JMJD1C: variants seen among roughly 807,000 people sequenced by gnomAD.
The protein encoded by JMJD1C is jumonji domain-containing protein 1C.
Under a neutral mutation model 245.3 loss-of-function variants are expected in JMJD1C, and 31 were observed. The ratio of observed to expected loss-of-function variants is 0.13; its 90% confidence interval spans 0.09 to 0.17. The LOEUF is 0.17. Among genes scored for constraint, JMJD1C ranks in the 10% least tolerant of loss-of-function variants. JMJD1C has a pLI of 1.00. For synonymous variants in JMJD1C, 1,057 were observed against 1,017.4 expected (o/e 1.04, Z -0.74); for missense variants, 2,691 against 3,000.2 (o/e 0.90, Z 2.41).
At chr10:63,363,948 C>T (rs918287016) in intron 2 of JMJD1C, among the ~76,000 whole-genome samples, 12 of 151,828 alleles carry the variant, frequency 7.9e-5, no homozygotes, top group South Asian at 6.3e-4. Context: ...CTCCACCTCC[C>T]GGGTACAAGC....
intron 1 of JMJD1C, among the ~76,000 whole-genome samples, chr10:63,437,958 G>T (rs897663510): frequency 1.3e-5 from 2 of 152,058 alleles, no homozygotes; most frequent in Non-Finnish European, 2.9e-5. Context: ...CTGCTCCAGG[G>T]TTTAACACTT....
intron 2 of JMJD1C, among the ~76,000 whole-genome samples, chr10:63,281,069 G>A (rs910168905): frequency 2.0e-5 from 3 of 150,810 alleles, no homozygotes; most frequent in Non-Finnish European, 4.4e-5. Context: ...TCCTGACCTC[G>A]TGATTCACCG....
chr10:63,206,795 C>A lies in JMJD1C; in HGVS notation c.4874G>T (p.Gly1625Val), dbSNP rs1846677182. The change falls in exon 10 of 26, where the codon GGC becomes GTC. Residue 1625 changes from glycine to valine, a missense_variant. By Grantham distance (109) the Gly-to-Val change is moderately radical (BLOSUM62 -3). Coordinates refer to ENST00000399262, the MANE Select transcript of JMJD1C (RefSeq NM_032776.3). ...TTCATCTGAGTCTCCACTTTCAGAG[C>A]CAGATTCATAAGTTCTTTTGGCTTT... ...RRKAKRTYESGSESGDSDESE... is the reference protein window; with the variant it reads ...RRKAKRTYESVSESGDSDESE... 2 of 1,605,570 alleles carry A rather than the reference C, an allele frequency of 1.2e-6. No individual in the cohort carries two copies. Among genetic ancestry groups the A allele is most frequent in the Non-Finnish European group, 1.7e-6 (2 of 1,177,838 alleles).
rs1285995071 is a variant in JMJD1C, at chr10:63,214,895, T to C, written c.1272A>G (p.Glu424=). 6.2e-7 allele frequency: 1 copy of C among 1,613,216 alleles called. No homozygotes were observed. Among genetic ancestry groups the C allele is most frequent in the African/African-American group, 1.3e-5 (1 of 74,904 alleles). ...GKPHNNEKAG[E]ETLKNSQPPW... ...GAGGCTGGCTATTTTTTAGGGTCTC[T>C]TCTCCTGCCTTCTCATTATTATGGG... The change falls in exon 8 of 26, where the codon GAA becomes GAG. Residue 424 remains glutamate (E), a synonymous_variant. Coordinates refer to ENST00000399262, the MANE Select transcript of JMJD1C (RefSeq NM_032776.3).
intron 2 of JMJD1C, among the ~76,000 whole-genome samples, chr10:63,325,193 A>G (rs1258873053): frequency 6.6e-6 from 1 of 152,226 alleles, no homozygotes; most frequent in Non-Finnish European, 1.5e-5. Flanking sequence ...TTAGTGTAGA[A>G]AGCATGGGGA....
At chr10:63,491,986 C>T (rs907460307) in intron 1 of JMJD1C, among the ~76,000 whole-genome samples, 3 of 152,222 alleles carry the variant, frequency 2.0e-5, no homozygotes, top group Non-Finnish European at 2.9e-5. Context: ...ATTCCTTTTC[C>T]TTACAGAGAA....
At chr10:63,327,672 A>ATT (rs200942410) in intron 2 of JMJD1C, among the ~76,000 whole-genome samples, 18 of 122,060 alleles carry the variant, frequency 1.5e-4, no homozygotes, top group African/African-American at 5.0e-4. Flanking sequence ...CACAGAAAAA[A>ATT]TTTTTTTTTT....
At chr10:63,221,204 G>A (rs1029998729) in intron 3 of JMJD1C, among the ~76,000 whole-genome samples, 3 of 151,878 alleles carry the variant, frequency 2.0e-5, no homozygotes, top group African/African-American at 7.3e-5. Flanking sequence ...AAAACAATTT[G>A]GCAACTTTGA....
At chr10:63,272,376 C>G (rs1016613907) in intron 2 of JMJD1C, among the ~76,000 whole-genome samples, 1 of 152,048 alleles carries the variant, frequency 6.6e-6, no homozygotes, top group Non-Finnish European at 1.5e-5. Flanking sequence ...CTCAGCCTCC[C>G]AAGTAGCTGG....
At chr10:63,416,777 A>G (rs1400232052) in intron 1 of JMJD1C, among the ~76,000 whole-genome samples, 2 of 152,234 alleles carry the variant, frequency 1.3e-5, no homozygotes, top group Non-Finnish European at 2.9e-5. Context: ...AAATGCTTAC[A>G]AAATTCTATT....
chr10:63,168,172 G>A (rs376398448), intron 25 of JMJD1C, 38 bp from the exon 26 acceptor site: 41 of 1,365,014 alleles, frequency 3.0e-5, no homozygotes, highest in East Asian at 2.3e-4. Context: ...ACTTCAGTTC[G>A]ACAGAAATTA....
At chr10:63,314,332 T>G (rs1484730455) in intron 2 of JMJD1C, among the ~76,000 whole-genome samples, 1 of 152,204 alleles carries the variant, frequency 6.6e-6, no homozygotes. Flanking sequence ...GGCCAAGGCA[T>G]GCAGATTGCT....
intron 1 of JMJD1C, among the ~76,000 whole-genome samples, chr10:63,434,503 AG>A (rs1950954160): frequency 6.6e-6 from 1 of 152,128 alleles, no homozygotes; most frequent in Non-Finnish European, 1.5e-5. Flanking sequence ...TGGAGTTCTC[AG>A]GACACAATAC....
At chr10:63,363,557 C>T (rs1945588489) in intron 2 of JMJD1C, among the ~76,000 whole-genome samples, 1 of 152,066 alleles carries the variant, frequency 6.6e-6, no homozygotes, top group Admixed American at 6.6e-5. Flanking sequence ...CACGCCTAAC[C>T]CATACAATTT....
chr10:63,247,116 A>C (rs913877798), intron 3 of JMJD1C, among the ~76,000 whole-genome samples: 2 of 150,758 alleles, frequency 1.3e-5, no homozygotes, highest in African/African-American at 4.8e-5. Flanking sequence ...AAAAACAAAA[A>C]CAAAAACAAA....
intron 2 of JMJD1C, among the ~76,000 whole-genome samples, chr10:63,302,412 C>G (rs191400479): frequency 1.7e-4 from 26 of 152,306 alleles, no homozygotes; most frequent in Admixed American, 1.7e-3. Context: ...TTTCTACACT[C>G]TTTTCAAAAA....
chr10:63,459,409 C>T (rs1324838084), intron 1 of JMJD1C, among the ~76,000 whole-genome samples: 1 of 152,142 alleles, frequency 6.6e-6, no homozygotes, highest in Non-Finnish European at 1.5e-5. Context: ...CCCTCTCTTG[C>T]TAATTTCTGA....
intron 1 of JMJD1C, among the ~76,000 whole-genome samples, chr10:63,459,139 T>TA (rs759910804): frequency 2.0e-5 from 3 of 152,212 alleles, no homozygotes; most frequent in Non-Finnish European, 2.9e-5. Flanking sequence ...CTGAAGGATT[T>TA]AGAACAGAAC....
chr10:63,481,215 G>A (rs1191183789), intron 1 of JMJD1C, among the ~76,000 whole-genome samples: 1 of 152,118 alleles, frequency 6.6e-6, no homozygotes, highest in East Asian at 1.9e-4. Flanking sequence ...CTGATAAATA[G>A]CTGTAGAATG....
Sources: allele counts gnomAD v4.1 joint callset (sites outside exome capture counted in the v4.1 genomes callset), GRCh38; gene constraint gnomAD v4.1.1; transcripts MANE v1.5; gene names NCBI Gene and HGNC (gene_info 2026-07-23, HGNC 2026-07-21).